KCTD9: variants seen among roughly 807,000 people sequenced by gnomAD.
The protein encoded by KCTD9 is BTB/POZ domain-containing protein KCTD9.
In KCTD9, 17 loss-of-function variants were observed where a neutral mutation model predicts 53.3. The ratio of observed to expected loss-of-function variants is 0.32; its 90% CI spans 0.22 to 0.48. The LOEUF is 0.48. KCTD9 is among the 20% of genes least tolerant of loss of function. The pLI is 0.99. For synonymous variants in KCTD9, 128 were observed against 162.7 expected (o/e 0.79, Z 1.62); for missense variants, 179 against 465.5 (o/e 0.38, Z 5.66).
chr8:25,447,696 G>GA (rs2117427851), intron 1 of KCTD9, among the ~76,000 whole-genome samples: 1 of 152,294 alleles, frequency 6.6e-6, no homozygotes, highest in South Asian at 2.1e-4. Context: ...GGGCATTTTG[G>GA]AAAGTGTTGA....
At chr8:25,445,976 C>T (rs761563160) in intron 2 of KCTD9, 153 bp downstream of exon 2, 14 of 874,444 alleles carry the variant, frequency 1.6e-5, no homozygotes, top group Non-Finnish European at 2.4e-5. Context: ...CACCTTAAGC[C>T]CAAATGATTT....
At chr8:25,441,986 G>A (rs1802131707) in intron 3 of KCTD9, among the ~76,000 whole-genome samples, 1 of 152,022 alleles carries the variant, frequency 6.6e-6, no homozygotes, top group Non-Finnish European at 1.5e-5. Context: ...CCTGAGTGAT[G>A]AAGTGAGGCC....
At chr8:25,440,475 C>T (rs1251751378) in intron 4 of KCTD9, 102 bp downstream of exon 4, 2 of 803,134 alleles carry the variant, frequency 2.5e-6, no homozygotes, top group Non-Finnish European at 2.1e-6. Flanking sequence ...TATATTTAAG[C>T]AGCATTTGAG....
chr8:25,448,713 G>A (rs1301147911), intron 1 of KCTD9, among the ~76,000 whole-genome samples: 2 of 152,056 alleles, frequency 1.3e-5, no homozygotes, highest in African/African-American at 4.8e-5. Flanking sequence ...TCAGGAGTTC[G>A]AGACCAGCTT....
intron 9 of KCTD9, among the ~76,000 whole-genome samples, chr8:25,434,240 C>T (rs1801979501): frequency 1.3e-5 from 2 of 152,138 alleles, no homozygotes; most frequent in Non-Finnish European, 2.9e-5. Context: ...GCTTGAATTA[C>T]AGGCATGCAC....
At chr8:25,455,660 G>A (rs1802418805) in intron 1 of KCTD9, among the ~76,000 whole-genome samples, 1 of 152,180 alleles carries the variant, frequency 6.6e-6, no homozygotes, top group South Asian at 2.1e-4. Flanking sequence ...GCATTTTGGT[G>A]AGGGTTAATT....
At chr8:25,431,995 G>A (rs984946544) in intron 11 of KCTD9, among the ~76,000 whole-genome samples, 6 of 152,202 alleles carry the variant, frequency 3.9e-5, no homozygotes, top group Non-Finnish European at 7.3e-5. Flanking sequence ...CACAGATATA[G>A]AACATGTCCC....
chr8:25,450,436 A>ACACACCTTTTTT, intron 1 of KCTD9: 1 of 984,486 alleles, frequency 1.0e-6, no homozygotes, highest in African/African-American at 1.7e-5. Flanking sequence ...TTGAAGTAGG[A>ACACACCTTTTTT]CACACCTTTT....
At chr8:25,447,290 A>G (rs1003326421) in intron 1 of KCTD9, among the ~76,000 whole-genome samples, 4 of 152,114 alleles carry the variant, frequency 2.6e-5, no homozygotes, top group Admixed American at 2.6e-4. Flanking sequence ...CAGAGGCTGA[A>G]GCATGAGAAT....
chr8:25,453,188 C>T (rs1200962526), intron 1 of KCTD9, among the ~76,000 whole-genome samples: 1 of 152,030 alleles, frequency 6.6e-6, no homozygotes, highest in Admixed American at 6.6e-5. Context: ...GAAACCCCAT[C>T]TCTACTAAAA....
chr8:25,457,556 G>C (rs912787381), intron 1 of KCTD9: 2 of 162,050 alleles, frequency 1.2e-5, no homozygotes, highest in African/African-American at 4.8e-5. Flanking sequence ...CCGTCCTCTA[G>C]GGAATCAAAA....
chr8:25,454,961 C>T (rs1197658463), intron 1 of KCTD9, among the ~76,000 whole-genome samples: 1 of 152,118 alleles, frequency 6.6e-6, no homozygotes, highest in Non-Finnish European at 1.5e-5. Context: ...CATGGTGGCT[C>T]ACGCCTGTAA....
At chr8:25,431,517 C>T (rs1801930256) in intron 11 of KCTD9, among the ~76,000 whole-genome samples, 2 of 152,108 alleles carry the variant, frequency 1.3e-5, no homozygotes, top group Admixed American at 1.3e-4. Context: ...GAACAAATGT[C>T]AGCAGCTCTC....
intron 1 of KCTD9, among the ~76,000 whole-genome samples, chr8:25,454,338 C>CTGAA (rs113821011): frequency 3.6e-3 from 544 of 152,244 alleles, no homozygotes; most frequent in African/African-American, 0.011. Context: ...TAAGTGTTCA[C>CTGAA]TGAATGAATG....
At chr8:25,446,319 C>G (rs1802213160) in intron 1 of KCTD9, 69 bp from the exon 2 acceptor site, 13 of 1,542,310 alleles carry the variant, frequency 8.4e-6, no homozygotes, top group South Asian at 1.2e-5. Context: ...TTATAAACTA[C>G]CACACTAGAA....
intron 9 of KCTD9, among the ~76,000 whole-genome samples, chr8:25,434,591 GAA>G (rs1410062269): frequency 6.6e-6 from 1 of 152,086 alleles, no homozygotes; most frequent in Admixed American, 6.6e-5. Flanking sequence ...AAAGGACAGT[GAA>G]AGTAACTAAA....
At chr8:25,430,551 T>C (rs1213198702) in intron 11 of KCTD9, among the ~76,000 whole-genome samples, 1 of 152,200 alleles carries the variant, frequency 6.6e-6, no homozygotes, top group Non-Finnish European at 1.5e-5. Context: ...CAGATGGGAC[T>C]GTCTAGTTGC....
intron 4 of KCTD9, 165 bp from the exon 5 acceptor site, chr8:25,439,829 C>T (rs1286744661): frequency 4.3e-5 from 60 of 1,411,666 alleles, no homozygotes; most frequent in Non-Finnish European, 5.1e-5. Flanking sequence ...TGCCATTTAT[C>T]AGATCCCTTC....
At chr8:25,434,528 T>C (rs1801985271) in intron 9 of KCTD9, among the ~76,000 whole-genome samples, 1 of 150,922 alleles carries the variant, frequency 6.6e-6, no homozygotes, top group Non-Finnish European at 1.5e-5. Flanking sequence ...TTTTTTGATG[T>C]TAGTCTTTTT....
Sources: allele counts gnomAD v4.1 joint callset (sites outside exome capture counted in the v4.1 genomes callset), GRCh38; gene constraint gnomAD v4.1.1; transcripts MANE v1.5; gene names NCBI Gene and HGNC (gene_info 2026-07-23, HGNC 2026-07-21).